The following ZNF577 variants were observed in gnomAD, a reference collection of about 807,000 sequenced individuals.
ZNF577 encodes the protein zinc finger protein 577.
A neutral mutation model predicts 13.9 loss-of-function variants in ZNF577; 14 were observed. The observed-to-expected ratio is 1.00, with a 90% CI of 0.66 to 1.57. The LOEUF is 1.57. Ranked by LOEUF, ZNF577 falls within the 40% of genes most tolerant of loss-of-function variation. The pLI, the probability that ZNF577 is intolerant of heterozygous loss-of-function variation, is 0.00. For missense variants in ZNF577, 555 were observed against 579.2 expected (o/e 0.96, Z 0.43); for synonymous variants, 203 against 202.9 (o/e 1.00, Z 0.00).
rs183575259 is a variant in ZNF577 at position 51,871,899 on chromosome 19, G to C, written c.*633C>G. On this transcript the variant is annotated 3_prime_UTR_variant, in exon 6 of 6. Transcript: ENST00000638348. ...TGATGTAGCCCCGTGAGATGCATTT[G>C]GACTTCAGTCCTCCAGAACTGTAAG... 4 of 152,324 alleles carry C rather than the reference G, an allele frequency of 2.6e-5. No homozygotes were observed. Among genetic ancestry groups the C allele is most frequent in the African/African-American group, 9.6e-5 (4 of 41,548 alleles). 9.4% of individuals were successfully genotyped at this position (152,324 alleles called of 1,614,324 possible).
intron 5 of ZNF577, among the ~76,000 whole-genome samples, chr19:51,845,382 G>A: frequency 6.6e-6 from 1 of 151,952 alleles, no homozygotes; most frequent in Non-Finnish European, 1.5e-5. Flanking sequence ...CCAGCTACCC[G>A]GGAGGCTGAG....
chr19:51,870,555 G>A lies in ZNF577; in HGVS notation c.*1977C>T, dbSNP rs778726141. 6.6e-6 allele frequency among the ~76,000 whole-genome samples: 1 copy of A among 152,152 alleles called. No homozygotes were observed. Among genetic ancestry groups the A allele is most frequent in the Non-Finnish European group, 1.5e-5 (1 of 68,030 alleles). On this transcript the variant is annotated 3_prime_UTR_variant, in exon 6 of 6. Transcript: ENST00000638348. Reference sequence around the variant, plus strand: ...CACTCCAGCTGGTGGAAATGCTTGTGTGTAATCCAAGGATTTTTCTGCGTG... The same window carrying A: ...CACTCCAGCTGGTGGAAATGCTTGTATGTAATCCAAGGATTTTTCTGCGTG...
At chr19:51,827,377 T>A (rs895526077) in intron 9 of ZNF577, among the ~76,000 whole-genome samples, 1 of 152,354 alleles carries the variant, frequency 6.6e-6, no homozygotes, top group Non-Finnish European at 1.5e-5. Context: ...GACAGTATAA[T>A]AACTGTATGG....
chr19:51,868,271 T>C lies in ZNF577; in HGVS notation c.*4261A>G, dbSNP rs1352675066. On this transcript the variant is annotated 3_prime_UTR_variant, in exon 6 of 6. Transcript: ENST00000638348. The stretch of plus-strand genomic sequence containing the variant: ...AGTGATGCAGTTGTTAATAGGCCAG[T>C]TCCGGACACTCCATAGGACACAGAC... 1.3e-5 allele frequency among the ~76,000 whole-genome samples: 2 copies of C among 152,134 alleles called. No homozygotes were observed. Among genetic ancestry groups the C allele is most frequent in the Non-Finnish European group, 2.9e-5 (2 of 68,022 alleles).
At chr19:51,819,495 T>C (rs1172827171) in intron 9 of ZNF577, among the ~76,000 whole-genome samples, 1 of 128,496 alleles carries the variant, frequency 7.8e-6, no homozygotes, top group East Asian at 2.5e-4. Flanking sequence ...TCTTATGATA[T>C]GGAAAAAAAA....
chr19:51,809,229 C>T (rs958945239), intron 10 of ZNF577, among the ~76,000 whole-genome samples: 1 of 152,192 alleles, frequency 6.6e-6, no homozygotes, highest in African/African-American at 2.4e-5. Context: ...CTGAAAAGTA[C>T]ATGACTGTCC....
In ZNF577 at chr19:51,873,696, GAT is replaced by G. The variant is rs757186472; in HGVS notation, c.292_293del (p.Ile98ProfsTer3). On this transcript the variant is annotated frameshift_variant, in exon 6 of 6. Coordinates refer to ENST00000638348, the MANE Select transcript of ZNF577 (RefSeq NM_001370449.1). LOFTEE classifies it low-confidence loss of function (END_TRUNC). ...AHSQICPGFVIQSRRYAGKDS... is the reference protein window; with the variant it reads ...AHSQICPGFVXQSRRYAGKDS... ...CTTTTCCTGCATATCTTCTACTCTG[GAT>G]TACAAAACCTAAATGAGATTTCAAA... 12 of 1,605,606 alleles carry G rather than the reference GAT, an allele frequency of 7.5e-6. No individual in the cohort carries two copies. In the African/African-American group the frequency reaches 1.6e-4, roughly 22 times the overall value.
At chr19:51,839,176 T>C (rs1254603714) in intron 9 of ZNF577, among the ~76,000 whole-genome samples, 1 of 152,094 alleles carries the variant, frequency 6.6e-6, no homozygotes, top group African/African-American at 2.4e-5. Context: ...AGACAGTAAA[T>C]AGCAAAATCG....
At chr19:51,836,914 C>T (rs1380929623) in intron 9 of ZNF577, among the ~76,000 whole-genome samples, 1 of 151,610 alleles carries the variant, frequency 6.6e-6, no homozygotes, top group African/African-American at 2.4e-5. Context: ...CATGGTGGCA[C>T]GCACCTGTAA....
chr19:51,820,499 T>C (rs185752440), intron 9 of ZNF577, among the ~76,000 whole-genome samples: 1 of 152,350 alleles, frequency 6.6e-6, no homozygotes, highest in East Asian at 1.9e-4. Flanking sequence ...CTCCACTTTG[T>C]AACTAGGGTG....
intron 9 of ZNF577, among the ~76,000 whole-genome samples, chr19:51,822,840 C>T (rs2084200567): frequency 6.6e-6 from 1 of 152,000 alleles, no homozygotes; most frequent in East Asian, 1.9e-4. Flanking sequence ...AGCACAGAAT[C>T]TATAGGATGT....
At chr19:51,878,298 T>C in intron 4 of ZNF577, 91 bp downstream of exon 4, 4 of 1,345,148 alleles carry the variant, frequency 3.0e-6, no homozygotes, top group Non-Finnish European at 4.0e-6. Flanking sequence ...TAACATATAA[T>C]ACTTTAGTCT....
In ZNF577 at chr19:51,884,744, A is replaced by T. The variant is rs138827843; in HGVS notation, c.-219+2077T>A. On this transcript the variant is annotated intron_variant, in intron 1 of 5. Transcript: ENST00000638348. ...TCAAGGTTATAAATTTCCTCCACTG[A>T]CTGCTTAGGTTAAATTCAACAAGGG... Among the ~76,000 whole-genome samples, 26 of 152,238 alleles carry T rather than the reference A, an allele frequency of 1.7e-4. No individual in the cohort carries two copies. In the East Asian group the frequency reaches 4.8e-3, roughly 28 times the overall value.
At position 51,873,517 on chromosome 19, in the gene ZNF577, T is replaced by C; in HGVS notation, c.473A>G (p.His158Arg). Residue 158 changes from histidine (H) to arginine (R), a missense_variant, in exon 6 of 6, where the codon CAT becomes CGT. Coordinates refer to ENST00000638348, the MANE Select transcript of ZNF577 (RefSeq NM_001370449.1). Reference protein sequence around the residue: ...LQKICAGGKPHECSVCGRAFS... With the variant: ...LQKICAGGKPRECSVCGRAFS... ...GGCTCTCCCGCACACACTGCATTCA[T>C]GTGGTTTCCCTCCTGCACAAATTTT... 1.9e-6 allele frequency: 3 copies of C among 1,614,230 alleles called. No individual in the cohort carries two copies. Among genetic ancestry groups the C allele is most frequent in the African/African-American group, 2.7e-5 (2 of 75,066 alleles).
At position 51,887,651 on chromosome 19, in the gene ZNF577, G is replaced by A. The variant is rs1288253861; in HGVS notation, c.-1049C>T. ...TGCAACGAAGACCTCCCAAGCACTG[G>A]TTCCAATGCGGAGACCATGGGCTCC... On this transcript the variant is annotated 5_prime_UTR_variant, in exon 1 of 6. Coordinates refer to ENST00000638348, the MANE Select transcript of ZNF577 (RefSeq NM_001370449.1). 6.6e-6 allele frequency: 1 copy of A among 152,188 alleles called. No homozygotes were observed. Among genetic ancestry groups the A allele is most frequent in the Admixed American group, 6.5e-5 (1 of 15,276 alleles). The allele number at this position is 152,188 out of a possible 1,614,324, so 9.4% of individuals were successfully genotyped here.
chr19:51,845,160 G>C (rs762224869), intron 5 of ZNF577, among the ~76,000 whole-genome samples: 7 of 152,060 alleles, frequency 4.6e-5, no homozygotes, highest in Non-Finnish European at 1.0e-4. Context: ...TATTTTTGTG[G>C]TGTGAACACT....
chr19:51,864,033 T>C (rs1292473210), downstream of ZNF577, among the ~76,000 whole-genome samples: 2 of 152,314 alleles, frequency 1.3e-5, no homozygotes, highest in South Asian at 4.1e-4. Context: ...CCATTACCAA[T>C]GATAGTGGGA....
At position 51,873,629 on chromosome 19, in the gene ZNF577, T is replaced by C. The variant is rs781522846; in HGVS notation, c.361A>G (p.Ile121Val). The C allele has an allele frequency of 1.2e-6, 2 of 1,614,232 alleles. No homozygotes were observed. The highest frequency in any genetic ancestry group is 4.5e-5 in the East Asian group (2 of 44,876). The change falls in exon 6 of 6, where the codon ATC (isoleucine) becomes GTC (valine). Residue 121 changes from isoleucine (I) to valine (V), a missense_variant. Transcript: ENST00000638348. ...CCAGTAAGAGTTTTGTCACGCTTGA[T>C]ATGGAGGCATGATCTCCCATATCCA... ...FGGYGRSCLH[I>V]KRDKTLTGVK...
At position 51,886,854 on chromosome 19, in the gene ZNF577, CCA is replaced by C. The variant is rs1175450425; in HGVS notation, c.-254_-253del. ...GAGGCAGAGGCAGGTACTTCTTACTCCACAGTCCATACACTTGCCACCTGGCT... is the reference window on the plus strand; with the variant it reads ...GAGGCAGAGGCAGGTACTTCTTACTCCAGTCCATACACTTGCCACCTGGCT... On this transcript the variant is annotated 5_prime_UTR_variant, in exon 1 of 6. An upstream open reading frame in the 5' UTR loses its in-frame stop. Coordinates refer to ENST00000638348, the MANE Select transcript of ZNF577 (RefSeq NM_001370449.1). The C allele has an allele frequency of 6.6e-6, 1 of 152,174 alleles. No homozygotes were observed. Among genetic ancestry groups the C allele is most frequent in the Non-Finnish European group, 1.5e-5 (1 of 68,038 alleles). 9.4% of individuals were successfully genotyped at this position (152,174 alleles called of 1,614,324 possible). A position where few individuals can be genotyped will look rare whatever the true frequency, so the allele number is the denominator to read the frequency against.
Sources: allele counts gnomAD v4.1 joint callset (sites outside exome capture counted in the v4.1 genomes callset), GRCh38; gene constraint gnomAD v4.1.1; transcripts MANE v1.5; gene names NCBI Gene and HGNC (gene_info 2026-07-23, HGNC 2026-07-21).